SHTN1: variants seen among roughly 807,000 people sequenced by gnomAD.
The protein encoded by SHTN1 is shootin 1, also known as shootin-1.
Under a neutral mutation model 83.1 loss-of-function variants are expected in SHTN1, and 42 were observed. That is an observed-to-expected ratio of 0.51 (90% CI 0.39 to 0.65). The LOEUF is 0.65. Ranked by LOEUF, SHTN1 falls within the 30% of genes least tolerant of loss-of-function variation. SHTN1 has a pLI of 0.00. For synonymous variants in SHTN1, 224 were observed against 247.7 expected (o/e 0.90, Z 0.90); for missense variants, 622 against 737.8 (o/e 0.84, Z 1.82).
chr10:117,113,211 G>A (rs1853792404), intron 1 of SHTN1, among the ~76,000 whole-genome samples: 3 of 152,128 alleles, frequency 2.0e-5, no homozygotes, highest in Admixed American at 6.5e-5. Context: ...AATTCTCTTT[G>A]AGCAGGAATC....
At chr10:116,930,311 G>C (rs1848912614) in intron 9 of SHTN1, among the ~76,000 whole-genome samples, 1 of 152,104 alleles carries the variant, frequency 6.6e-6, no homozygotes, top group African/African-American at 2.4e-5. Context: ...ACAGGGGCTT[G>C]GTGTACAGGT....
At chr10:117,103,393 G>A (rs143756868) in intron 1 of SHTN1, among the ~76,000 whole-genome samples, 2,145 of 151,752 alleles carry the variant, frequency 0.014, 27 homozygotes, top group Middle Eastern at 0.034. Flanking sequence ...ACCCAGCCTC[G>A]TTGTTCATTT....
intron 1 of SHTN1, among the ~76,000 whole-genome samples, chr10:116,982,179 A>G (rs1851046272): frequency 1.3e-5 from 2 of 152,232 alleles, no homozygotes; most frequent in Non-Finnish European, 2.9e-5. Flanking sequence ...CTATTCTTCC[A>G]TTATACTGAC....
intron 9 of SHTN1, among the ~76,000 whole-genome samples, chr10:116,938,371 T>C (rs1849248158): frequency 6.6e-6 from 1 of 152,164 alleles, no homozygotes; most frequent in African/African-American, 2.4e-5. Context: ...CTTTTGTTGA[T>C]GTTGATGTAT....
At chr10:116,971,299 G>A (rs1212473329) in intron 2 of SHTN1, among the ~76,000 whole-genome samples, 7 of 152,252 alleles carry the variant, frequency 4.6e-5, no homozygotes, top group African/African-American at 7.2e-5. Context: ...AAGGTTTCCC[G>A]TGGCAATCCC....
intron 1 of SHTN1, among the ~76,000 whole-genome samples, chr10:117,089,693 C>G (rs1007379344): frequency 2.0e-5 from 3 of 151,880 alleles, no homozygotes; most frequent in Non-Finnish European, 2.9e-5. Context: ...AATCATATAT[C>G]TGATAAAATA....
intron 1 of SHTN1, among the ~76,000 whole-genome samples, chr10:116,982,788 A>G (rs1325068042): frequency 6.6e-6 from 1 of 152,060 alleles, no homozygotes; most frequent in African/African-American, 2.4e-5. Context: ...GTGAAACCGC[A>G]TCTCTTCTAA....
chr10:117,066,318 T>C (rs1853001346), intron 1 of SHTN1, among the ~76,000 whole-genome samples: 1 of 152,142 alleles, frequency 6.6e-6, no homozygotes, highest in Non-Finnish European at 1.5e-5. Flanking sequence ...TAAATATTTA[T>C]AGAGTCCCTA....
chr10:116,945,332 G>A (rs1388680786), intron 7 of SHTN1, among the ~76,000 whole-genome samples: 1 of 152,152 alleles, frequency 6.6e-6, no homozygotes, highest in East Asian at 1.9e-4. Flanking sequence ...AAAGTGAAAT[G>A]ACATAATACT....
Position 116,937,121 on chromosome 10 carries a change from C to T in SHTN1, c.858+3345G>A, listed in dbSNP as rs552487614. On this transcript the variant is annotated intron_variant, in intron 9 of 16. Transcript: ENST00000355371. ...GGGTCTTGACTCTTTATCCAATTTG[C>T]CAGTCTGTGTCTTTTAATTGGGGGC... 2.6e-5 allele frequency among the ~76,000 whole-genome samples: 4 copies of T among 152,194 alleles called. No individual in the cohort carries two copies. The East Asian group carries it at 7.7e-4, about 29-fold the overall frequency.
intron 1 of SHTN1, among the ~76,000 whole-genome samples, chr10:117,092,170 T>C (rs1853440040): frequency 6.6e-6 from 1 of 152,216 alleles, no homozygotes; most frequent in African/African-American, 2.4e-5. Context: ...CCCAACACAG[T>C]AGCTTGCAAA....
At chr10:116,903,536 A>T (rs958094612) in intron 15 of SHTN1, among the ~76,000 whole-genome samples, 4 of 152,186 alleles carry the variant, frequency 2.6e-5, no homozygotes, top group Non-Finnish European at 5.9e-5. Context: ...AGACAAAAAA[A>T]AAAGGCCTTT....
intron 14 of SHTN1, chr10:116,911,377 C>A: frequency 7.6e-7 from 1 of 1,307,734 alleles, no homozygotes; most frequent in Non-Finnish European, 1.0e-6. Context: ...TGATATGAAG[C>A]TATTTGGGGA....
chr10:117,096,558 A>G (rs1853505562), intron 1 of SHTN1, among the ~76,000 whole-genome samples: 1 of 152,260 alleles, frequency 6.6e-6, no homozygotes, highest in Non-Finnish European at 1.5e-5. Context: ...ATATAGACCA[A>G]CATTCAAATG....
chr10:117,029,786 A>G (rs1852381757), intron 2 of SHTN1, among the ~76,000 whole-genome samples: 1 of 152,058 alleles, frequency 6.6e-6, no homozygotes, highest in Non-Finnish European at 1.5e-5. Context: ...AGATACCAGC[A>G]TCATGCTTCC....
intron 16 of SHTN1, among the ~76,000 whole-genome samples, chr10:116,887,431 T>C (rs1375717136): frequency 6.6e-6 from 1 of 152,104 alleles, no homozygotes; most frequent in Non-Finnish European, 1.5e-5. Flanking sequence ...TCTGGTCTTT[T>C]TGGAAAATGC....
chr10:116,977,825 C>T (rs112088454), intron 2 of SHTN1, among the ~76,000 whole-genome samples: 149 of 152,136 alleles, frequency 9.8e-4, no homozygotes, highest in Middle Eastern at 3.4e-3. Context: ...CAGGTGCATG[C>T]CACCATGACC....
At chr10:117,095,935 C>T (rs1290513431) in intron 1 of SHTN1, among the ~76,000 whole-genome samples, 3 of 152,154 alleles carry the variant, frequency 2.0e-5, no homozygotes. Flanking sequence ...TTGAAAACAC[C>T]TCTATTTTGC....
At position 116,941,502 on chromosome 10, in the gene SHTN1, A is replaced by C. The variant is rs561603679; in HGVS notation, c.712-890T>G. On this transcript the variant is annotated intron_variant, in intron 8 of 16. Transcript: ENST00000355371. ...GCCAGTGAGTGATTCCAAGTATGAA[A>C]TGTTTTTGTAAACTCTGAAATCTGG... Among the ~76,000 whole-genome samples the C allele has an allele frequency of 5.3e-5, 8 of 152,350 alleles. No homozygotes were observed. In the South Asian group the frequency reaches 1.5e-3, roughly 28 times the overall value.
Sources: allele counts gnomAD v4.1 joint callset (sites outside exome capture counted in the v4.1 genomes callset), GRCh38; gene constraint gnomAD v4.1.1; transcripts MANE v1.5; gene names NCBI Gene and HGNC (gene_info 2026-07-23, HGNC 2026-07-21).